The following CTDSPL variants were observed in gnomAD, a reference collection of about 807,000 sequenced individuals.
CTDSPL encodes CTD small phosphatase-like protein.
A neutral mutation model predicts 30.5 loss-of-function variants in CTDSPL; 8 were observed. That is an observed-to-expected ratio of 0.26 (90% CI 0.15 to 0.47). The LOEUF is 0.47. Ranked by LOEUF, CTDSPL falls within the 20% of genes least tolerant of loss-of-function variation. CTDSPL has a pLI of 0.99. For missense variants in CTDSPL, 248 were observed against 366.1 expected, an observed-to-expected ratio of 0.68 and a Z score of 2.63; for synonymous variants, 110 against 137.9, an observed-to-expected ratio of 0.80 and a Z score of 1.42.
At chr3:37,968,282 C>T (rs1260600089) in intron 5 of CTDSPL, 1 of 456,908 alleles carries the variant, frequency 2.2e-6, no homozygotes, top group Non-Finnish European at 4.4e-6. Context: ...TGTCCATTTT[C>T]AATGCCAGCT....
In CTDSPL at chr3:37,921,140, G is replaced by A. The variant is rs1385686465; in HGVS notation, c.80-25917G>A. Among the ~76,000 whole-genome samples the A allele has an allele frequency of 7.3e-4, 111 of 152,322 alleles. 3 individuals carry two copies. The highest frequency in any genetic ancestry group is 5.8e-4 in the East Asian group (3 of 5,188). Reference sequence around the variant, plus strand: ...TTTTCCTAGTACTTTCTTATGCATCGTTTTATCTTTTCCTCACATCTTCTG... The same window carrying A: ...TTTTCCTAGTACTTTCTTATGCATCATTTTATCTTTTCCTCACATCTTCTG... On this transcript the variant is annotated intron_variant, in intron 1 of 7. Coordinates refer to ENST00000273179, the MANE Select transcript of CTDSPL (RefSeq NM_001008392.2).
chr3:37,898,652 T>C (rs576319735), intron 1 of CTDSPL, among the ~76,000 whole-genome samples: 18 of 152,166 alleles, frequency 1.2e-4, no homozygotes, highest in Non-Finnish European at 2.2e-4. Context: ...TCAGCAGATA[T>C]TTACTGAGGA....
chr3:37,950,447 G>A (rs1181896294), intron 2 of CTDSPL, among the ~76,000 whole-genome samples: 1 of 152,138 alleles, frequency 6.6e-6, no homozygotes, highest in East Asian at 1.9e-4. Context: ...AGTAACATTT[G>A]GAACTTAAAA....
intron 1 of CTDSPL, among the ~76,000 whole-genome samples, chr3:37,892,217 C>T (rs1285676233): frequency 2.6e-5 from 4 of 152,160 alleles, no homozygotes; most frequent in Non-Finnish European, 4.4e-5. Flanking sequence ...TACTCAATTA[C>T]TTACTTTAGC....
Position 37,895,301 on chromosome 3 carries a change from C to T in CTDSPL, c.79+33023C>T, listed in dbSNP as rs148940842. Among the ~76,000 whole-genome samples the T allele has an allele frequency of 1.4e-3, 214 of 152,254 alleles. 1 individual carries two copies. Among genetic ancestry groups the T allele is most frequent in the African/African-American group, 4.7e-3 (195 of 41,528 alleles). ...TGAATCGAGGCACTACCTCAATTCTCGGCTTAGTTATTTTATCCTTAGCTA... is the reference window on the plus strand; with the variant it reads ...TGAATCGAGGCACTACCTCAATTCTTGGCTTAGTTATTTTATCCTTAGCTA... On this transcript the variant is annotated intron_variant, in intron 1 of 7. Coordinates refer to ENST00000273179, the MANE Select transcript of CTDSPL (RefSeq NM_001008392.2).
At chr3:37,891,662 G>C (rs945939737) in intron 1 of CTDSPL, among the ~76,000 whole-genome samples, 1 of 152,160 alleles carries the variant, frequency 6.6e-6, no homozygotes, top group Non-Finnish European at 1.5e-5. Flanking sequence ...TCATTTTTCA[G>C]ATAGTGAGTC....
At chr3:37,943,118 G>A (rs913011207) in intron 1 of CTDSPL, among the ~76,000 whole-genome samples, 12 of 150,144 alleles carry the variant, frequency 8.0e-5, no homozygotes, top group African/African-American at 1.2e-4. Flanking sequence ...AGAGGGGAGT[G>A]GTGAGCCCCA....
At chr3:37,887,880 A>T (rs1332171420) in intron 1 of CTDSPL, among the ~76,000 whole-genome samples, 1 of 152,250 alleles carries the variant, frequency 6.6e-6, no homozygotes. Flanking sequence ...AAGACAATTT[A>T]AAAATGCTAG....
rs752547378 is a variant in CTDSPL, at chr3:37,969,276, C to A, written c.426+1394C>A. On this transcript the variant is annotated intron_variant, in intron 5 of 7. Transcript: ENST00000273179. ...CACTGCTGACCCATTCTTGCAGGAG[C>A]TCCCCCACCCTCCATCCTGGCTGTG... 9.7e-4 allele frequency: 431 copies of A among 443,750 alleles called. 1 individual carries two copies. Among genetic ancestry groups the A allele is most frequent in the Non-Finnish European group, 1.2e-3 (271 of 217,864 alleles). 27.5% of individuals were successfully genotyped at this position (443,750 alleles called of 1,614,324 possible). A position where few individuals can be genotyped will look rare whatever the true frequency, so the allele number is the denominator to read the frequency against.
intron 7 of CTDSPL, among the ~76,000 whole-genome samples, chr3:37,977,723 TA>T (rs879690217): frequency 0.026 from 3,751 of 143,262 alleles, 136 homozygotes; most frequent in African/African-American, 0.084. Flanking sequence ...CCCCATCTCT[TA>T]AAAAAAAAAA....
At chr3:37,948,882 G>A (rs1277837265) in intron 2 of CTDSPL, among the ~76,000 whole-genome samples, 1 of 141,234 alleles carries the variant, frequency 7.1e-6, no homozygotes, top group Non-Finnish European at 1.5e-5. Flanking sequence ...CTGCAGTGGC[G>A]CAATCTCGGC....
At position 37,971,322 on chromosome 3, in the gene CTDSPL, A is replaced by G. The variant is rs552260705; in HGVS notation, c.427-85A>G. Reference sequence around the variant, plus strand: ...GAGGGAGGCAGGAACCTTTGTAGCAATTCTTCCTACAGTGGGCATTTGGGC... The same window carrying G: ...GAGGGAGGCAGGAACCTTTGTAGCAGTTCTTCCTACAGTGGGCATTTGGGC... On this transcript the variant is annotated intron_variant, in intron 5 of 7. Transcript: ENST00000273179. 2.0e-5 allele frequency: 24 copies of G among 1,227,076 alleles called. 1 individual carries two copies. In the South Asian group the frequency reaches 2.9e-4, roughly 15 times the overall value. The allele number at this position is 1,227,076 out of a possible 1,614,324, so 76.0% of individuals were successfully genotyped here. A position where few individuals can be genotyped will look rare whatever the true frequency, so the allele number is the denominator to read the frequency against.
chr3:37,862,110 G>GCGCCGCGC lies in CTDSPL; in HGVS notation c.-88_-81dup, dbSNP rs1697946560. 1 of 410,808 alleles carries GCGCCGCGC rather than the reference G, an allele frequency of 2.4e-6. No individual in the cohort carries two copies. The allele number at this position is 410,808 out of a possible 1,614,324, so 25.4% of individuals were successfully genotyped here. On this transcript the variant is annotated 5_prime_UTR_variant, in exon 1 of 8. Coordinates refer to ENST00000273179, the MANE Select transcript of CTDSPL (RefSeq NM_001008392.2). The surrounding 1 kb of genome is among the most constrained non-coding windows in gnomAD (Gnocchi z 4.3). ...AGGCAGCGGCTGCGAGCGCCCCCCC[G>GCGCCGCGC]CGCCGCGCCCCCGCGCCCCCCGCGC...
rs528455688 is a variant in CTDSPL, at chr3:37,967,768, A to G, written c.370-58A>G. On this transcript the variant is annotated intron_variant, in intron 4 of 7. Transcript: ENST00000273179. ...CTAGGCAGGCTTTTTTCTTGCTAAAATTTCCAGAGTTTTTTTGTTCCTTCA... is the reference window on the plus strand; with the variant it reads ...CTAGGCAGGCTTTTTTCTTGCTAAAGTTTCCAGAGTTTTTTTGTTCCTTCA... The G allele has an allele frequency of 1.7e-4, 231 of 1,331,950 alleles. 1 individual carries two copies. Among genetic ancestry groups the G allele is most frequent in the Middle Eastern group, 1.5e-3 (8 of 5,306 alleles). 82.5% of individuals were successfully genotyped at this position (1,331,950 alleles called of 1,614,324 possible).
chr3:37,874,687 G>T (rs901190252), intron 1 of CTDSPL, among the ~76,000 whole-genome samples: 1 of 152,000 alleles, frequency 6.6e-6, no homozygotes, highest in Non-Finnish European at 1.5e-5. Context: ...CTGAGACTGC[G>T]CCACTGCACT....
intron 1 of CTDSPL, among the ~76,000 whole-genome samples, chr3:37,918,439 A>T (rs1698674432): frequency 6.6e-6 from 1 of 152,066 alleles, no homozygotes; most frequent in African/African-American, 2.4e-5. Flanking sequence ...AATATTTCCC[A>T]TGCCTTCTTG....
At chr3:37,914,981 C>A (rs1429223136) in intron 1 of CTDSPL, among the ~76,000 whole-genome samples, 2 of 149,524 alleles carry the variant, frequency 1.3e-5, no homozygotes, top group Admixed American at 1.3e-4. Context: ...TCCTCCTGCC[C>A]TCCAGCAGTC....
intron 1 of CTDSPL, among the ~76,000 whole-genome samples, chr3:37,876,658 T>C (rs7621634): frequency 0.014 from 2,136 of 152,336 alleles, 54 homozygotes; most frequent in African/African-American, 0.048. Flanking sequence ...AAAACTGAAT[T>C]GTTTGAGTGC....
At chr3:37,971,347 C>A in intron 5 of CTDSPL, 60 bp from the exon 6 acceptor site, 2 of 1,497,764 alleles carry the variant, frequency 1.3e-6, no homozygotes, top group Non-Finnish European at 1.8e-6. Context: ...GGCATTTGGG[C>A]CCCAGGCCAT....
Sources: gnomAD v4.1 joint callset for allele counts (sites outside exome capture counted in the v4.1 genomes callset) on GRCh38, gnomAD v4.1.1 for gene constraint, Gnocchi (gnomAD v3.1) non-coding constraint, MANE v1.5 for transcripts, NCBI Gene and HGNC (gene_info 2026-07-23, HGNC 2026-07-21) for gene names.